COL23A1: variants seen among roughly 807,000 people sequenced by gnomAD.
COL23A1 encodes collagen type XXIII alpha 1 chain.
Under a neutral mutation model 99.3 loss-of-function variants are expected in COL23A1, and 97 were observed. The observed-to-expected ratio is 0.98, with a 90% CI of 0.83 to 1.16. The LOEUF is 1.16. Ranked by LOEUF, COL23A1 falls within the 50% of genes most tolerant of loss-of-function variation. The pLI, the probability that COL23A1 is intolerant of heterozygous loss-of-function variation, is 0.00. For missense variants in COL23A1, 762 were observed against 757.4 expected (o/e 1.01, Z -0.07); for synonymous variants, 320 against 308.2 (o/e 1.04, Z -0.40).
At chr5:178,377,405 C>T (rs1327434175) in intron 2 of COL23A1, among the ~76,000 whole-genome samples, 1 of 152,208 alleles carries the variant, frequency 6.6e-6, no homozygotes, top group African/African-American at 2.4e-5. Context: ...GGGCCGGGGC[C>T]ACCCCACTGC....
intron 2 of COL23A1, among the ~76,000 whole-genome samples, chr5:178,344,160 A>G (rs1202675222): frequency 1.3e-5 from 2 of 152,132 alleles, no homozygotes; most frequent in Non-Finnish European, 2.9e-5. Context: ...TGGATCCAGC[A>G]CCCCCAAAAG....
chr5:178,281,032 C>T lies in COL23A1; in HGVS notation c.441+7292G>A, dbSNP rs961128424. 1.3e-5 allele frequency among the ~76,000 whole-genome samples: 2 copies of T among 152,104 alleles called. No individual in the cohort carries two copies. The highest frequency in any genetic ancestry group is 6.5e-5 in the Admixed American group (1 of 15,284). On this transcript the variant is annotated intron_variant, in intron 5 of 28. Transcript: ENST00000390654. The surrounding 1 kb of genome is among the most constrained non-coding windows in gnomAD (Gnocchi z 4.0). ...AAGAGACTTAGGGCCCTGGGGAGAA[C>T]GGCCAGCATGGTGGCCCTGGTTGCA...
chr5:178,482,384 C>T (rs1757386860), intron 2 of COL23A1, among the ~76,000 whole-genome samples: 1 of 151,818 alleles, frequency 6.6e-6, no homozygotes. Context: ...TTTATGATTC[C>T]TTTTATATGC....
chr5:178,309,881 G>C lies in COL23A1; in HGVS notation c.362-2962C>G, dbSNP rs183333015. Among the ~76,000 whole-genome samples the C allele has an allele frequency of 2.5e-4, 38 of 151,962 alleles. 1 individual carries two copies. In the East Asian group the frequency reaches 7.2e-3, roughly 29 times the overall value. On this transcript the variant is annotated intron_variant, in intron 2 of 28. Transcript: ENST00000390654. The surrounding 1 kb of genome is among the most constrained non-coding windows in gnomAD (Gnocchi z 4.7). ...TGTACTCTGCATCTCAGGCAGCTCT[G>C]TGTCCCCAACTCCCACTGCAGGACA...
rs2113781422 is a variant in COL23A1, at chr5:178,590,106, G to A, written c.92C>T (p.Ala31Val). 8.0e-7 allele frequency: 1 copy of A among 1,256,398 alleles called. No homozygotes were observed. The highest frequency in any genetic ancestry group is 3.5e-5 in the East Asian group (1 of 28,404). The allele number at this position is 1,256,398 out of a possible 1,614,324, so 77.8% of individuals were successfully genotyped here. Residue 31 changes from alanine to valine, a missense_variant, in exon 1 of 29, where the codon GCC becomes GTC. Transcript: ENST00000390654. The surrounding 1 kb of genome is among the most constrained non-coding windows in gnomAD (Gnocchi z 5.7). ...CAGCGCGCTCACCGCCCGGGACCCG[G>A]CCGTCGTCGCCGAGCGCCCTCCGCC... ...GGGGGRSATT[A>V]GSRAVSALCL...
chr5:178,492,925 C>G (rs1184975976), intron 2 of COL23A1, among the ~76,000 whole-genome samples: 1 of 152,168 alleles, frequency 6.6e-6, no homozygotes, highest in Non-Finnish European at 1.5e-5. Flanking sequence ...AATGACAGCA[C>G]TTACCTCACA....
chr5:178,330,192 G>A (rs866910755), intron 2 of COL23A1, among the ~76,000 whole-genome samples: 91 of 152,342 alleles, frequency 6.0e-4, no homozygotes, highest in African/African-American at 1.8e-3. Context: ...CAGAAGAAGG[G>A]CCTAGGGTCT....
chr5:178,267,413 T>G lies in COL23A1; in HGVS notation c.496-80A>C, dbSNP rs150124590. On this transcript the variant is annotated intron_variant, in intron 7 of 28. Coordinates refer to ENST00000390654, the MANE Select transcript of COL23A1 (RefSeq NM_173465.4). The stretch of plus-strand genomic sequence containing the variant: ...TTTCCCGTCGGGCATCTGTGCCCAG[T>G]GCTTCATAGACATGGTATGACTTAA... 519 of 1,395,094 alleles carry G rather than the reference T, an allele frequency of 3.7e-4. 5 individuals are homozygous for G. The East Asian group carries it at 0.011, about 29-fold the overall frequency. The allele number at this position is 1,395,094 out of a possible 1,614,324, so 86.4% of individuals were successfully genotyped here.
At chr5:178,552,945 T>C (rs1327344863) in intron 2 of COL23A1, among the ~76,000 whole-genome samples, 1 of 152,078 alleles carries the variant, frequency 6.6e-6, no homozygotes. Context: ...TCTGACCTTG[T>C]GATCCCCCCG....
intron 2 of COL23A1, among the ~76,000 whole-genome samples, chr5:178,478,705 G>A (rs1210070575): frequency 2.0e-5 from 3 of 152,146 alleles, no homozygotes; most frequent in African/African-American, 7.2e-5. Flanking sequence ...AAAAATACCC[G>A]AGGCCAGTTG....
At chr5:178,335,747 G>A (rs368851252) in intron 2 of COL23A1, among the ~76,000 whole-genome samples, 5 of 152,192 alleles carry the variant, frequency 3.3e-5, no homozygotes, top group African/African-American at 1.2e-4. Flanking sequence ...CCAGGTCTAG[G>A]AACTAGACCT....
chr5:178,438,438 TG>T (rs1419484133), intron 2 of COL23A1, among the ~76,000 whole-genome samples: 1 of 152,236 alleles, frequency 6.6e-6, no homozygotes, highest in Non-Finnish European at 1.5e-5. Flanking sequence ...TCTGGGGTCC[TG>T]GTGAAATAAA....
intron 2 of COL23A1, among the ~76,000 whole-genome samples, chr5:178,552,483 G>A (rs551752069): frequency 3.3e-5 from 5 of 152,036 alleles, no homozygotes; most frequent in Middle Eastern, 6.8e-3. Flanking sequence ...AACTCAAGTC[G>A]ACTGAGATTT....
chr5:178,333,609 C>G (rs916931448), intron 2 of COL23A1, among the ~76,000 whole-genome samples: 5 of 152,146 alleles, frequency 3.3e-5, no homozygotes, highest in African/African-American at 1.2e-4. Context: ...AGGCTTCAGT[C>G]TTGAGGCGCC....
At position 178,579,086 on chromosome 5, in the gene COL23A1, T is replaced by C. The variant is rs116324523; in HGVS notation, c.294+10818A>G. Among the ~76,000 whole-genome samples, 1,431 of 152,314 alleles carry C rather than the reference T, an allele frequency of 9.4e-3. 31 individuals are homozygous for C. The highest frequency in any genetic ancestry group is 0.033 in the African/African-American group (1,355 of 41,568). ...TGCTCCTTGACTCAGAGGCTGGACATGTGCTAACAGCTTTTTTGCTTCTGT... is the reference window on the plus strand; with the variant it reads ...TGCTCCTTGACTCAGAGGCTGGACACGTGCTAACAGCTTTTTTGCTTCTGT... On this transcript the variant is annotated intron_variant, in intron 1 of 28. Transcript: ENST00000390654.
chr5:178,242,870 C>G (rs1054528471), intron 25 of COL23A1, among the ~76,000 whole-genome samples: 1 of 152,284 alleles, frequency 6.6e-6, no homozygotes, highest in East Asian at 1.9e-4. Flanking sequence ...CACTAGGAAC[C>G]GGGCTGTTGG....
intron 2 of COL23A1, among the ~76,000 whole-genome samples, chr5:178,320,950 C>T (rs1051021569): frequency 1.8e-4 from 27 of 152,324 alleles, no homozygotes; most frequent in African/African-American, 6.3e-4. Flanking sequence ...GTGCGCTCAG[C>T]CATAGGTGGT....
intron 2 of COL23A1, among the ~76,000 whole-genome samples, chr5:178,556,320 A>G (rs1762269454): frequency 1.3e-5 from 2 of 152,128 alleles, no homozygotes; most frequent in African/African-American, 2.4e-5. Flanking sequence ...AGGAGTTACT[A>G]CTTTAAAATT....
chr5:178,549,119 G>A (rs944602236), intron 2 of COL23A1, among the ~76,000 whole-genome samples: 3 of 152,012 alleles, frequency 2.0e-5, no homozygotes, highest in South Asian at 2.1e-4. Flanking sequence ...CCTCAGCCCC[G>A]AGGAGCTGGG....
Sources: gnomAD v4.1 joint callset for allele counts (sites outside exome capture counted in the v4.1 genomes callset) on GRCh38, gnomAD v4.1.1 for gene constraint, Gnocchi (gnomAD v3.1) non-coding constraint, MANE v1.5 for transcripts, NCBI Gene and HGNC (gene_info 2026-07-23, HGNC 2026-07-21) for gene names.